Variants in CSMD3 observed in about 807,000 individuals in gnomAD.
The protein encoded by CSMD3 is CUB and sushi domain-containing protein 3.
A neutral mutation model predicts 435.2 loss-of-function variants in CSMD3; 177 were observed. That is an observed-to-expected ratio of 0.41 (90% CI 0.36 to 0.46). The LOEUF (loss-of-function observed/expected upper bound fraction) is 0.46, where lower values mean the gene tolerates loss of function less well. Ranked by LOEUF, CSMD3 falls within the 20% of genes least tolerant of loss-of-function variation. The pLI is 0.34. For missense variants in CSMD3, 4,265 were observed against 4,504.6 expected, an observed-to-expected ratio of 0.95 and a Z score of 1.52; for synonymous variants, 1,656 against 1,520.5, an observed-to-expected ratio of 1.09 and a Z score of -2.07.
chr8:112,505,229 G>T (rs567575319), intron 29 of CSMD3, among the ~76,000 whole-genome samples: 1 of 152,032 alleles, frequency 6.6e-6, no homozygotes, highest in Non-Finnish European at 1.5e-5. Context: ...ATTATATTTT[G>T]TTTTAATTTA....
chr8:112,969,403 G>A (rs2084556438), intron 7 of CSMD3, among the ~76,000 whole-genome samples: 1 of 151,866 alleles, frequency 6.6e-6, no homozygotes, highest in Non-Finnish European at 1.5e-5. Flanking sequence ...TTAAACTAGA[G>A]TTTCTTTTAA....
intron 10 of CSMD3, among the ~76,000 whole-genome samples, chr8:112,879,335 A>G (rs2081383021): frequency 6.6e-6 from 1 of 152,104 alleles, no homozygotes; most frequent in African/African-American, 2.4e-5. Context: ...GGATTAGGAA[A>G]TTCCAGCCTA....
chr8:113,214,837 G>C (rs1054204455), intron 3 of CSMD3, among the ~76,000 whole-genome samples: 4 of 151,694 alleles, frequency 2.6e-5, no homozygotes, highest in African/African-American at 9.7e-5. Flanking sequence ...CTTGAGTCTA[G>C]AGCACAGAGT....
At chr8:112,519,961 TAA>T (rs1210237675) in intron 27 of CSMD3, among the ~76,000 whole-genome samples, 1 of 152,152 alleles carries the variant, frequency 6.6e-6, no homozygotes, top group Non-Finnish European at 1.5e-5. Context: ...TATTAATCTT[TAA>T]GTGTCATTTT....
chr8:112,832,146 C>T (rs2079893952), intron 11 of CSMD3, among the ~76,000 whole-genome samples: 1 of 152,074 alleles, frequency 6.6e-6, no homozygotes, highest in Non-Finnish European at 1.5e-5. Flanking sequence ...AAAGATGTAT[C>T]TTCATATCTT....
chr8:112,523,951 T>C (rs899964822), intron 27 of CSMD3, among the ~76,000 whole-genome samples: 3 of 152,090 alleles, frequency 2.0e-5, no homozygotes, highest in Non-Finnish European at 2.9e-5. Flanking sequence ...ATGCATGGTA[T>C]GGAAAAGAAA....
At chr8:112,352,345 T>C (rs11775013) in intron 39 of CSMD3, 71 bp downstream of exon 39, 371,785 of 1,601,310 alleles carry the variant, frequency 0.23, 45,808 homozygotes, top group East Asian at 0.43. Flanking sequence ...CCGTGGCTTA[T>C]CAATCATTGA....
chr8:113,335,695 C>A (rs2094068881), intron 1 of CSMD3, among the ~76,000 whole-genome samples: 1 of 151,646 alleles, frequency 6.6e-6, no homozygotes, highest in Admixed American at 6.6e-5. Flanking sequence ...GTAAAGTGTT[C>A]TATAAATGTT....
chr8:112,917,035 C>CA (rs2082593209), intron 10 of CSMD3, among the ~76,000 whole-genome samples: 1 of 151,858 alleles, frequency 6.6e-6, no homozygotes, highest in South Asian at 2.1e-4. Context: ...ATAACCTGTA[C>CA]ACCCATTTTT....
chr8:112,300,614 C>G (rs1217995900), intron 53 of CSMD3, among the ~76,000 whole-genome samples: 1 of 152,026 alleles, frequency 6.6e-6, no homozygotes, highest in African/African-American at 2.4e-5. Context: ...AGGAAAGACA[C>G]TAGTCTGAGA....
At chr8:112,325,772 T>C (rs568421790) in intron 45 of CSMD3, among the ~76,000 whole-genome samples, 1 of 152,220 alleles carries the variant, frequency 6.6e-6, no homozygotes, top group South Asian at 2.1e-4. Flanking sequence ...TGGGTTCGAA[T>C]CTTATTTTGA....
chr8:112,907,856 C>G (rs2130504244), intron 10 of CSMD3, among the ~76,000 whole-genome samples: 1 of 151,432 alleles, frequency 6.6e-6, no homozygotes, highest in Non-Finnish European at 1.5e-5. Flanking sequence ...TTCTATGATA[C>G]TAGTGATATG....
At chr8:112,996,022 G>A (rs1686027010) in intron 6 of CSMD3, among the ~76,000 whole-genome samples, 1 of 151,318 alleles carries the variant, frequency 6.6e-6, no homozygotes, top group African/African-American at 2.4e-5. Context: ...TGTATAATAT[G>A]ATGTTTTGAA....
intron 21 of CSMD3, among the ~76,000 whole-genome samples, chr8:112,637,917 T>G (rs1027219314): frequency 2.0e-5 from 3 of 151,984 alleles, no homozygotes; most frequent in African/African-American, 7.2e-5. Context: ...TTAGTGCTTG[T>G]ATCATTTTAA....
At chr8:113,106,744 A>C (rs1371119193) in intron 4 of CSMD3, among the ~76,000 whole-genome samples, 1 of 152,156 alleles carries the variant, frequency 6.6e-6, no homozygotes, top group Non-Finnish European at 1.5e-5. Flanking sequence ...AGTGCTTTTC[A>C]CATCTAAGTG....
At chr8:112,309,562 T>G (rs966170811) in intron 50 of CSMD3, among the ~76,000 whole-genome samples, 17 of 152,076 alleles carry the variant, frequency 1.1e-4, no homozygotes, top group African/African-American at 4.1e-4. Flanking sequence ...ATACTCCTGC[T>G]ATTCATTGGT....
Position 112,261,282 on chromosome 8 carries a change from G to C in CSMD3, c.9862+2357C>G, listed in dbSNP as rs534684641. Among the ~76,000 whole-genome samples the C allele has an allele frequency of 4.6e-5, 7 of 151,980 alleles. No individual in the cohort carries two copies. In the South Asian group the frequency reaches 8.3e-4, roughly 18 times the overall value. On this transcript the variant is annotated intron_variant, in intron 61 of 70. Coordinates refer to ENST00000297405, the MANE Select transcript of CSMD3 (RefSeq NM_198123.2). ...ATTTATTTTATACTAACATATATCT[G>C]TTTCATTTTTAAAATAGGTCTATAA...
At chr8:113,332,534 T>A (rs974002962) in intron 1 of CSMD3, among the ~76,000 whole-genome samples, 4 of 151,660 alleles carry the variant, frequency 2.6e-5, no homozygotes, top group African/African-American at 7.2e-5. Flanking sequence ...TCATTCACAA[T>A]AGTGCAAAGA....
chr8:112,233,399 T>C (rs1199100460), intron 68 of CSMD3, among the ~76,000 whole-genome samples: 1 of 152,158 alleles, frequency 6.6e-6, no homozygotes, highest in African/African-American at 2.4e-5. Flanking sequence ...AAGCTCAAAC[T>C]CCATCATTTT....
Sources: gnomAD v4.1 joint callset for allele counts (sites outside exome capture counted in the v4.1 genomes callset) on GRCh38, gnomAD v4.1.1 for gene constraint, MANE v1.5 for transcripts, NCBI Gene and HGNC (gene_info 2026-07-23, HGNC 2026-07-21) for gene names.